Variants in AGAP1 observed in about 807,000 individuals in gnomAD.
AGAP1 encodes the protein ArfGAP with GTPase domain, ankyrin repeat and PH domain 1, also known as arf-GAP with GTPase, ANK repeat and PH domain-containing protein 1.
AGAP1 carries 29 observed loss-of-function variants against 105.3 expected under a neutral mutation model. That is an observed-to-expected ratio of 0.28 (90% CI 0.21 to 0.38). The LOEUF (loss-of-function observed/expected upper bound fraction) is 0.38, where lower values mean the gene tolerates loss of function less well. Ranked by LOEUF, AGAP1 falls within the 10% of genes least tolerant of loss-of-function variation. AGAP1 has a pLI of 1.00. For synonymous variants in AGAP1, 509 were observed against 485.9 expected (o/e 1.05, Z -0.63); for missense variants, 998 against 1,165.1 (o/e 0.86, Z 2.09).
At chr2:236,069,577 C>A (rs1439368605) in intron 16 of AGAP1, among the ~76,000 whole-genome samples, 1 of 152,190 alleles carries the variant, frequency 6.6e-6, no homozygotes, top group Non-Finnish European at 1.5e-5. Context: ...GCACACGCCA[C>A]CACGCCTGGC....
In AGAP1 at chr2:236,129,929, A is replaced by T. The variant is rs898273348; in HGVS notation, c.*5807A>T. ...CATTCTTACTGTCTTTCACCATGAG[A>T]TGCTGGTTTTGGTGTAAAATGACAG... On this transcript the variant is annotated 3_prime_UTR_variant, in exon 18 of 18. Transcript: ENST00000304032. The surrounding 1 kb of genome is among the most constrained non-coding windows in gnomAD (Gnocchi z 6.2). 1.3e-5 allele frequency: 2 copies of T among 152,216 alleles called. No individual in the cohort carries two copies. Among genetic ancestry groups the T allele is most frequent in the Non-Finnish European group, 2.9e-5 (2 of 68,050 alleles). 9.4% of individuals were successfully genotyped at this position (152,216 alleles called of 1,614,324 possible).
At chr2:235,707,676 T>TTGGTGGGACGTGCTCCCCAGCCTGTGACA (rs1950618560) in intron 1 of AGAP1, among the ~76,000 whole-genome samples, 1 of 61,428 alleles carries the variant, frequency 1.6e-5, no homozygotes, top group Non-Finnish European at 4.0e-5. Context: ...GGCGTGTGAC[T>TTGGTGGGACGTGCTCCCCAGCCTGTGACA]TGGTGGGACG....
rs145612899 is a variant in AGAP1 at position 235,559,619 on chromosome 2, A to G, written c.163+64770A>G. On this transcript the variant is annotated intron_variant, in intron 1 of 17. Transcript: ENST00000304032. The surrounding 1 kb of genome is among the most constrained non-coding windows in gnomAD (Gnocchi z 5.7). ...GACGTGACCACTGTTATGTGGTTAT[A>G]TGTTACGTTATAGCCTCCCAGAAAT... Among the ~76,000 whole-genome samples, 40 of 152,244 alleles carry G rather than the reference A, an allele frequency of 2.6e-4. No homozygotes were observed. In the East Asian group the frequency reaches 5.4e-3, roughly 21 times the overall value.
rs189084097 is a variant in AGAP1 at position 236,062,532 on chromosome 2, G to C, written c.2114+13251G>C. ...ACTCTATCACACAGGCTTGAATGCA[G>C]TGGCATGATCATAGCTTACTGCAAC... On this transcript the variant is annotated intron_variant, in intron 16 of 17. Transcript: ENST00000304032. The surrounding 1 kb of genome is among the most constrained non-coding windows in gnomAD (Gnocchi z 4.2). Among the ~76,000 whole-genome samples the C allele has an allele frequency of 1.3e-5, 2 of 152,056 alleles. No homozygotes were observed. The highest frequency in any genetic ancestry group is 1.5e-5 in the Non-Finnish European group (1 of 68,030).
chr2:235,601,291 G>A lies in AGAP1; in HGVS notation c.163+106442G>A, dbSNP rs758013113. Among the ~76,000 whole-genome samples, 2 of 152,180 alleles carry A rather than the reference G, an allele frequency of 1.3e-5. No individual in the cohort carries two copies. Among genetic ancestry groups the A allele is most frequent in the East Asian group, 1.9e-4 (1 of 5,200 alleles). ...TGTGCTTGGGGGTGGGGAGAGAGGC[G>A]AGAAGGGAAGGAGAAAGAGATGGAG... On this transcript the variant is annotated intron_variant, in intron 1 of 17. Coordinates refer to ENST00000304032, the MANE Select transcript of AGAP1 (RefSeq NM_001037131.3). This position sits in a 1 kb window ranked among gnomAD's most constrained non-coding sequence, Gnocchi z 4.4.
At chr2:236,086,061 A>C (rs1023957335) in intron 16 of AGAP1, among the ~76,000 whole-genome samples, 1 of 152,140 alleles carries the variant, frequency 6.6e-6, no homozygotes, top group Non-Finnish European at 1.5e-5. Context: ...TTTTTGCCCT[A>C]ATCTTCCTTT....
In AGAP1 at chr2:236,001,760, C is replaced by T. The variant is rs377694209; in HGVS notation, c.1645+33137C>T. The stretch of plus-strand genomic sequence containing the variant: ...ATTTTACTTTTCTAATTTAACACCC[C>T]GTGGGTCTCCAGTTCTTCCACAAGC... On this transcript the variant is annotated intron_variant, in intron 13 of 17. Transcript: ENST00000304032. The surrounding 1 kb of genome is among the most constrained non-coding windows in gnomAD (Gnocchi z 4.7). 7.2e-5 allele frequency among the ~76,000 whole-genome samples: 11 copies of T among 152,274 alleles called. No homozygotes were observed. The East Asian group carries it at 9.7e-4, about 13-fold the overall frequency.
In AGAP1 at chr2:235,744,560, CAGTCAAA is replaced by C; in HGVS notation, c.397-131_397-125del. 1.0e-6 allele frequency: 1 copy of C among 997,390 alleles called. No individual in the cohort carries two copies. Among genetic ancestry groups the C allele is most frequent in the Non-Finnish European group, 1.5e-6 (1 of 652,642 alleles). The allele number at this position is 997,390 out of a possible 1,614,324, so 61.8% of individuals were successfully genotyped here. ...ATGCCGTGACAGTGTGTAAAAGTGA[CAGTCAAA>C]AGTCAAGCACCCAGTGTGTGACCGA... On this transcript the variant is annotated intron_variant, in intron 4 of 17. Transcript: ENST00000304032. The surrounding 1 kb of genome is among the most constrained non-coding windows in gnomAD (Gnocchi z 5.2).
chr2:236,029,617 G>C (rs2057163714), intron 13 of AGAP1, among the ~76,000 whole-genome samples: 1 of 151,880 alleles, frequency 6.6e-6, no homozygotes, highest in Admixed American at 6.6e-5. Context: ...TTTCCCTAGT[G>C]GACGTCTATT....
intron 16 of AGAP1, among the ~76,000 whole-genome samples, chr2:236,052,848 A>T (rs887104821): frequency 6.6e-6 from 1 of 152,162 alleles, no homozygotes; most frequent in Admixed American, 6.5e-5. Flanking sequence ...AATTAACTAC[A>T]TCTGGGGTAG....
At position 235,612,612 on chromosome 2, in the gene AGAP1, A is replaced by G. The variant is rs78817670; in HGVS notation, c.164-96567A>G. ...CTGACTCCTTAGAACCTGCAAATGC[A>G]TGAAACTCATGTTAAGAACAGTTGT... On this transcript the variant is annotated intron_variant, in intron 1 of 17. Coordinates refer to ENST00000304032, the MANE Select transcript of AGAP1 (RefSeq NM_001037131.3). The surrounding 1 kb of genome is among the most constrained non-coding windows in gnomAD (Gnocchi z 4.3). Among the ~76,000 whole-genome samples, 10,887 of 152,302 alleles carry G rather than the reference A, an allele frequency of 0.071. 541 individuals carry two copies. The highest frequency in any genetic ancestry group is 0.15 in the East Asian group (792 of 5,166).
rs916349013 is a variant in AGAP1, at chr2:235,866,048, T to C, written c.1051-17297T>C. On this transcript the variant is annotated intron_variant, in intron 9 of 17. Coordinates refer to ENST00000304032, the MANE Select transcript of AGAP1 (RefSeq NM_001037131.3). This position sits in a 1 kb window ranked among gnomAD's most constrained non-coding sequence, Gnocchi z 6.1. ...TGCGGTCTGGTCATTTTTGCCACAC[T>C]TGATTTTTTTCTGCTAAACCCTACG... 6.6e-6 allele frequency among the ~76,000 whole-genome samples: 1 copy of C among 152,246 alleles called. No homozygotes were observed. The highest frequency in any genetic ancestry group is 2.4e-5 in the African/African-American group (1 of 41,470).
intron 1 of AGAP1, among the ~76,000 whole-genome samples, chr2:235,560,070 C>T (rs992005993): frequency 2.9e-4 from 44 of 152,160 alleles, no homozygotes; most frequent in African/African-American, 8.7e-4. Flanking sequence ...AATCCAAGGT[C>T]ATGAGGATAT....
chr2:235,831,632 C>G (rs147613613), intron 9 of AGAP1, among the ~76,000 whole-genome samples: 1 of 152,216 alleles, frequency 6.6e-6, no homozygotes, highest in African/African-American at 2.4e-5. Flanking sequence ...CTTTCCATGG[C>G]TCAGTAGCTC....
rs925290028 is a variant in AGAP1 at position 235,721,196 on chromosome 2, C to T, written c.310+3552C>T. Among the ~76,000 whole-genome samples, 1 of 151,926 alleles carries T rather than the reference C, an allele frequency of 6.6e-6. No homozygotes were observed. The highest frequency in any genetic ancestry group is 1.5e-5 in the Non-Finnish European group (1 of 67,996). On this transcript the variant is annotated intron_variant, in intron 3 of 17. Transcript: ENST00000304032. This position sits in a 1 kb window ranked among gnomAD's most constrained non-coding sequence, Gnocchi z 4.5. Reference sequence around the variant, plus strand: ...ATAATTTTTGTATTTTTGGTAGAGGCAGGGTTTCACCATGTTGGCCAGACT... The same window carrying T: ...ATAATTTTTGTATTTTTGGTAGAGGTAGGGTTTCACCATGTTGGCCAGACT...
chr2:235,991,556 A>G lies in AGAP1; in HGVS notation c.1645+22933A>G, dbSNP rs112436886. Among the ~76,000 whole-genome samples, 1,123 of 152,344 alleles carry G rather than the reference A, an allele frequency of 7.4e-3. 16 individuals are homozygous for G. The highest frequency in any genetic ancestry group is 0.025 in the African/African-American group (1,059 of 41,576). On this transcript the variant is annotated intron_variant, in intron 13 of 17. Coordinates refer to ENST00000304032, the MANE Select transcript of AGAP1 (RefSeq NM_001037131.3). ...GAGACCCCACCTCTTAAAAAAGGAA[A>G]GAAAATGGTTTTTTAAATCATTTCA...
intron 1 of AGAP1, among the ~76,000 whole-genome samples, chr2:235,567,159 C>A (rs903247914): frequency 1.3e-5 from 2 of 152,226 alleles, no homozygotes; most frequent in East Asian, 3.8e-4. Flanking sequence ...AGTGTGCCCA[C>A]CCCCAGGCCA....
intron 10 of AGAP1, among the ~76,000 whole-genome samples, chr2:235,898,492 C>T (rs2050915933): frequency 7.2e-6 from 1 of 139,718 alleles, no homozygotes; most frequent in African/African-American, 2.7e-5. Flanking sequence ...ACCCCCACCC[C>T]CGCCTGTGCT....
intron 6 of AGAP1, among the ~76,000 whole-genome samples, chr2:235,786,206 C>T (rs150503417): frequency 1.3e-4 from 20 of 152,330 alleles, no homozygotes; most frequent in Admixed American, 2.6e-4. Flanking sequence ...TCTTGGAAGA[C>T]GCTGATTTGC....
Sources: allele counts gnomAD v4.1 joint callset (sites outside exome capture counted in the v4.1 genomes callset), GRCh38; gene constraint gnomAD v4.1.1; non-coding constraint Gnocchi (gnomAD v3.1); transcripts MANE v1.5; gene names NCBI Gene and HGNC (gene_info 2026-07-23, HGNC 2026-07-21).